Variants in MSN observed in about 807,000 individuals in gnomAD.
MSN encodes the protein epididymis luminal protein 70.
MSN carries 2 observed loss-of-function variants against 48.0 expected under a neutral mutation model. The observed-to-expected ratio is 0.04, with a 90% confidence interval of 0.02 to 0.13. The LOEUF is 0.13. Among genes scored for constraint, MSN ranks in the 10% least tolerant of loss-of-function variants. The pLI is 1.00. For synonymous variants in MSN, 146 were observed against 166.9 expected, an observed-to-expected ratio of 0.87 and a Z score of 0.97; for missense variants, 267 against 470.1, an observed-to-expected ratio of 0.57 and a Z score of 3.99.
At chrX:65,681,362 G>T (rs770936563) in intron 1 of MSN, among the ~76,000 whole-genome samples, 5 of 111,908 alleles carry the variant, frequency 4.5e-5, no homozygotes, top group South Asian at 3.7e-4. Context: ...TCAAGAAGGG[G>T]CCATTCTCCA....
chrX:65,640,437 C>A (rs1486015579), intron 1 of MSN, among the ~76,000 whole-genome samples: 1 of 111,632 alleles, frequency 9.0e-6, no homozygotes, highest in Non-Finnish European at 1.9e-5. Flanking sequence ...CCCAGCTACT[C>A]GGGAGGCTAA....
intron 1 of MSN, among the ~76,000 whole-genome samples, chrX:65,675,679 C>T (rs2070990497): frequency 9.0e-6 from 1 of 110,791 alleles, no homozygotes. Context: ...GCTCTGTTGC[C>T]CAGGCTGGAG....
intron 1 of MSN, among the ~76,000 whole-genome samples, chrX:65,695,543 G>T (rs1004166840): frequency 1.1e-5 from 1 of 88,151 alleles, no homozygotes; most frequent in African/African-American, 4.4e-5. Flanking sequence ...AACAAAGAAA[G>T]AAAGTATGTT....
chrX:65,699,874 G>T (rs1193703707), intron 1 of MSN, among the ~76,000 whole-genome samples: 1 of 111,226 alleles, frequency 9.0e-6, no homozygotes, highest in African/African-American at 3.3e-5. Flanking sequence ...GGGAGATCAG[G>T]GTTCTAGTTC....
At chrX:65,603,123 G>A (rs978329692) in intron 1 of MSN, among the ~76,000 whole-genome samples, 5 of 111,558 alleles carry the variant, frequency 4.5e-5, no homozygotes, top group South Asian at 3.7e-4. Context: ...GTGAAACCTC[G>A]TCTCTACTAA....
rs1305168909 is a variant in MSN at position 65,739,159 on chromosome X, G to A, written c.1534G>A (p.Ala512Thr). Residue 512 changes from alanine (A) to threonine (T), a missense_variant, in exon 12 of 13, where the codon GCA becomes ACA. This residue lies in a region of MSN where 48 missense variants were observed against 115.5 expected (regional missense o/e 0.42). Coordinates refer to ENST00000360270, the MANE Select transcript of MSN (RefSeq NM_002444.3). Reference protein sequence around the residue: ...DRSEEERTTEAEKNERVQKHL... With the variant: ...DRSEEERTTETEKNERVQKHL... ...CAGTGAGGAGGAACGTACCACTGAG[G>A]CAGAGAAGAATGAGCGTGTGCAGAA... is the stretch of plus-strand genomic sequence containing the variant. The A allele has an allele frequency of 3.3e-6, 4 of 1,210,125 alleles. No individual in the cohort carries two copies. The highest frequency in any genetic ancestry group is 4.5e-6 in the Non-Finnish European group (4 of 895,031).
intron 1 of MSN, among the ~76,000 whole-genome samples, chrX:65,632,092 C>T (rs1020785576): frequency 1.2e-4 from 14 of 112,006 alleles, no homozygotes; most frequent in Non-Finnish European, 1.9e-4. Flanking sequence ...AGTTACTGAG[C>T]GATGGTTTGA....
chrX:65,667,567 G>A (rs2070885460), upstream of MSN: 9 of 833,422 alleles, frequency 1.1e-5, no homozygotes, highest in Non-Finnish European at 1.3e-5. Context: ...GCGGGGCAAG[G>A]CCAGCGGTCG....
chrX:65,739,277 T>C (rs763996619), intron 12 of MSN, 83 bp downstream of exon 12: 6 of 935,645 alleles, frequency 6.4e-6, no homozygotes, highest in Non-Finnish European at 8.9e-6. Context: ...TCATGGGGGA[T>C]AGGTATAAGA....
intron 1 of MSN, among the ~76,000 whole-genome samples, chrX:65,642,784 C>A (rs763605085): frequency 4.6e-4 from 51 of 111,189 alleles, no homozygotes; most frequent in Non-Finnish European, 7.5e-4. Context: ...TGAGTCCATT[C>A]TTTTCTAGTT....
intron 1 of MSN, among the ~76,000 whole-genome samples, chrX:65,692,958 A>G (rs2071191530): frequency 8.9e-6 from 1 of 112,321 alleles, no homozygotes; most frequent in African/African-American, 3.2e-5. Context: ...TTAAAAAAGA[A>G]AAAAGAATAT....
chrX:65,623,605 G>A (rs187084481), intron 1 of MSN, among the ~76,000 whole-genome samples: 2 of 109,720 alleles, frequency 1.8e-5, no homozygotes, highest in African/African-American at 6.7e-5. Context: ...GAGGTCAGGA[G>A]TTCAAGACCA....
intron 1 of MSN, among the ~76,000 whole-genome samples, chrX:65,630,543 C>G (rs1002351769): frequency 1.8e-5 from 2 of 110,100 alleles, no homozygotes; most frequent in African/African-American, 6.6e-5. Context: ...GAACTATGAT[C>G]GTGCCGCTGC....
chrX:65,608,919 A>C (rs2070298712), intron 1 of MSN, among the ~76,000 whole-genome samples: 1 of 110,744 alleles, frequency 9.0e-6, no homozygotes, highest in African/African-American at 3.3e-5. Context: ...TGTGAAGTGA[A>C]ATTGCCAACA....
upstream of MSN, among the ~76,000 whole-genome samples, chrX:65,666,690 G>A (rs935703023): frequency 2.7e-5 from 3 of 110,640 alleles, no homozygotes; most frequent in Non-Finnish European, 5.7e-5. Context: ...CGAATTCCTG[G>A]GCTCAAGCAA....
chrX:65,673,547 C>T lies in MSN; in HGVS notation c.12+5694C>T, dbSNP rs148637034. Among the ~76,000 whole-genome samples the T allele has an allele frequency of 7.4e-3, 821 of 110,212 alleles. 8 individuals carry two copies. Among genetic ancestry groups the T allele is most frequent in the African/African-American group, 0.026 (792 of 30,156 alleles). ...TCAGCTCACTGCAACCTCCACCTCC[C>T]GGGTTCAAGCGATTCTCCTGCCTCA... On this transcript the variant is annotated intron_variant, in intron 1 of 12. Transcript: ENST00000360270.
intron 1 of MSN, among the ~76,000 whole-genome samples, chrX:65,615,274 C>A (rs1189373587): frequency 9.2e-6 from 1 of 108,210 alleles, no homozygotes; most frequent in Non-Finnish European, 1.9e-5. Context: ...CCTGAGGAAT[C>A]GCCACACTGA....
At chrX:65,611,742 TC>T (rs774414097) in intron 1 of MSN, among the ~76,000 whole-genome samples, 233 of 111,521 alleles carry the variant, frequency 2.1e-3, no homozygotes, top group Non-Finnish European at 3.6e-3. Flanking sequence ...GATTGAAATT[TC>T]CAGATCACAT....
At chrX:65,733,060 TAA>T (rs1249915929) in intron 6 of MSN, 122 bp from the exon 7 acceptor site, 477 of 404,556 alleles carry the variant, frequency 1.2e-3, no homozygotes, top group Middle Eastern at 2.1e-3. Flanking sequence ...CTATTTATTT[TAA>T]AAAAAAAAAA....
Sources: gnomAD v4.1 joint callset for allele counts (sites outside exome capture counted in the v4.1 genomes callset) on GRCh38, gnomAD v4.1.1 for gene constraint, gnomAD v4.1.1 regional missense constraint, MANE v1.5 for transcripts, NCBI Gene and HGNC (gene_info 2026-07-23, HGNC 2026-07-21) for gene names.